The following MAGI2 variants were observed in gnomAD, a reference collection of about 807,000 sequenced individuals.
The protein encoded by MAGI2 is membrane-associated guanylate kinase, WW and PDZ domain-containing protein 2.
Under a neutral mutation model 133.3 loss-of-function variants are expected in MAGI2, and 35 were observed. That is an observed-to-expected ratio of 0.26 (90% CI 0.20 to 0.35). The LOEUF is 0.35. MAGI2 is among the 10% of genes least tolerant of loss of function. The pLI, the probability that MAGI2 is intolerant of heterozygous loss-of-function variation, is 1.00. For missense variants in MAGI2, 1,636 were observed against 1,863.4 expected (o/e 0.88, Z 2.25); for synonymous variants, 729 against 710.6 (o/e 1.03, Z -0.41).
chr7:79,451,465 T>A (rs536973312), intron 1 of MAGI2, among the ~76,000 whole-genome samples: 1 of 152,322 alleles, frequency 6.6e-6, no homozygotes, highest in East Asian at 1.9e-4. Context: ...AGTTACTCTA[T>A]TTTCCTTCCT....
chr7:78,374,978 T>C (rs1295295975), intron 6 of MAGI2, among the ~76,000 whole-genome samples: 1 of 151,960 alleles, frequency 6.6e-6, no homozygotes, highest in Non-Finnish European at 1.5e-5. Flanking sequence ...TAGCTGGGAT[T>C]ACAAGCGTAC....
chr7:78,295,962 C>T (rs1797190058), intron 9 of MAGI2, among the ~76,000 whole-genome samples: 1 of 152,114 alleles, frequency 6.6e-6, no homozygotes. Flanking sequence ...AATCTACCAG[C>T]CAATCCTGTC....
intron 1 of MAGI2, among the ~76,000 whole-genome samples, chr7:79,263,778 TA>T (rs1236777025): frequency 6.6e-6 from 1 of 152,146 alleles, no homozygotes; most frequent in Non-Finnish European, 1.5e-5. Context: ...ACTAAAGACT[TA>T]TTATATCTGA....
intron 1 of MAGI2, among the ~76,000 whole-genome samples, chr7:79,346,353 T>C (rs1841311838): frequency 6.6e-6 from 1 of 152,028 alleles, no homozygotes; most frequent in African/African-American, 2.4e-5. Flanking sequence ...TGAGGTTTTG[T>C]TTTCAGAGTA....
intron 1 of MAGI2, among the ~76,000 whole-genome samples, chr7:79,015,826 T>A (rs1562789998): frequency 6.6e-6 from 1 of 152,058 alleles, no homozygotes; most frequent in African/African-American, 2.4e-5. Flanking sequence ...ATGTACAGCA[T>A]CCCCATGAGA....
At chr7:78,340,124 C>G (rs1462399632) in intron 9 of MAGI2, among the ~76,000 whole-genome samples, 1 of 152,002 alleles carries the variant, frequency 6.6e-6, no homozygotes, top group African/African-American at 2.4e-5. Context: ...AAGGAATTCT[C>G]TAATTTTTGT....
intron 12 of MAGI2, among the ~76,000 whole-genome samples, chr7:78,186,448 A>G (rs1827709054): frequency 6.6e-6 from 1 of 152,288 alleles, no homozygotes; most frequent in Middle Eastern, 3.4e-3. Flanking sequence ...CCTACTCTAC[A>G]TGGTGGAGAT....
Position 78,042,391 on chromosome 7 carries a change from G to C in MAGI2, c.3707-22415C>G, listed in dbSNP as rs17591615. Reference sequence around the variant, plus strand: ...ACATGGGTGGGCTGCTACTTTGTAAGACAACATTCTGTGTAATGGCTTGGA... The same window carrying C: ...ACATGGGTGGGCTGCTACTTTGTAACACAACATTCTGTGTAATGGCTTGGA... On this transcript the variant is annotated intron_variant, in intron 21 of 21. Coordinates refer to ENST00000354212, the MANE Select transcript of MAGI2 (RefSeq NM_012301.4). Among the ~76,000 whole-genome samples the C allele has an allele frequency of 6.1e-3, 930 of 152,320 alleles. 7 individuals carry two copies. Among genetic ancestry groups the C allele is most frequent in the Non-Finnish European group, 9.7e-3 (660 of 68,036 alleles).
intron 2 of MAGI2, among the ~76,000 whole-genome samples, chr7:78,866,067 A>G: frequency 6.6e-6 from 1 of 152,236 alleles, no homozygotes; most frequent in East Asian, 1.9e-4. Flanking sequence ...CCAAGAAAAA[A>G]AAATGAACTG....
At chr7:78,541,388 G>T (rs191437922) in intron 3 of MAGI2, among the ~76,000 whole-genome samples, 19 of 152,234 alleles carry the variant, frequency 1.2e-4, no homozygotes, top group Non-Finnish European at 2.1e-4. Context: ...TCCTCAAAAG[G>T]AGCCATTTAT....
At chr7:78,719,392 A>G (rs978804998) in intron 2 of MAGI2, among the ~76,000 whole-genome samples, 12 of 152,218 alleles carry the variant, frequency 7.9e-5, no homozygotes, top group Admixed American at 3.9e-4. Context: ...TCCAACTGTA[A>G]GTGACCTTCA....
chr7:78,268,590 A>T (rs191133678), intron 9 of MAGI2, among the ~76,000 whole-genome samples: 1 of 152,092 alleles, frequency 6.6e-6, no homozygotes, highest in African/African-American at 2.4e-5. Context: ...CCATACCCCT[A>T]GTGGGTTTGG....
chr7:79,255,991 G>A (rs1021235471), intron 1 of MAGI2, among the ~76,000 whole-genome samples: 8 of 152,116 alleles, frequency 5.3e-5, no homozygotes, highest in Non-Finnish European at 7.3e-5. Context: ...AAGCAGTGTG[G>A]AATGAGAGTT....
chr7:79,171,770 A>ATATATATATATATATATATAT, intron 1 of MAGI2, among the ~76,000 whole-genome samples: 2 of 31,204 alleles, frequency 6.4e-5, no homozygotes, highest in Admixed American at 4.0e-4. Flanking sequence ...ATATATATAT[A>ATATATATATATATATATATAT]TTTTTTTTTT....
At chr7:79,170,468 G>A (rs920957073) in intron 1 of MAGI2, among the ~76,000 whole-genome samples, 10 of 151,900 alleles carry the variant, frequency 6.6e-5, no homozygotes, top group East Asian at 1.9e-4. Flanking sequence ...GTGCCACTGC[G>A]CCCAGCCAAA....
chr7:78,787,007 T>C (rs1001982642), intron 2 of MAGI2, among the ~76,000 whole-genome samples: 1 of 151,950 alleles, frequency 6.6e-6, no homozygotes, highest in Admixed American at 6.6e-5. Flanking sequence ...TGGAGTGTAG[T>C]GGCGCGATCT....
At chr7:79,165,386 T>C (rs1442555536) in intron 1 of MAGI2, among the ~76,000 whole-genome samples, 1 of 152,020 alleles carries the variant, frequency 6.6e-6, no homozygotes, top group Non-Finnish European at 1.5e-5. Flanking sequence ...CAGTTCACAC[T>C]ACTCAGCTTT....
intron 9 of MAGI2, among the ~76,000 whole-genome samples, chr7:78,275,636 T>A (rs1794987050): frequency 6.6e-6 from 1 of 152,212 alleles, no homozygotes; most frequent in African/African-American, 2.4e-5. Context: ...AAACATCTAA[T>A]ATGTACAATA....
At chr7:78,563,920 C>T (rs763505231) in intron 3 of MAGI2, among the ~76,000 whole-genome samples, 3 of 152,112 alleles carry the variant, frequency 2.0e-5, no homozygotes, top group Non-Finnish European at 2.9e-5. Flanking sequence ...CTGTAAGACT[C>T]TTAAATTCTA....
Sources: allele counts gnomAD v4.1 joint callset (sites outside exome capture counted in the v4.1 genomes callset), GRCh38; gene constraint gnomAD v4.1.1; transcripts MANE v1.5; gene names NCBI Gene and HGNC (gene_info 2026-07-23, HGNC 2026-07-21).